CAMTA1: variants seen among roughly 807,000 people sequenced by gnomAD.
CAMTA1 encodes the protein calmodulin-binding transcription activator 1.
Under a neutral mutation model 170.9 loss-of-function variants are expected in CAMTA1, and 27 were observed. The ratio of observed to expected loss-of-function variants is 0.16; its 90% CI spans 0.12 to 0.22. CAMTA1 has a LOEUF of 0.22. Among genes scored for constraint, CAMTA1 ranks in the 10% least tolerant of loss-of-function variants. The pLI is 1.00. For synonymous variants in CAMTA1, 833 were observed against 891.5 expected, an observed-to-expected ratio of 0.93 and a Z score of 1.17; for missense variants, 1,619 against 2,217.2, an observed-to-expected ratio of 0.73 and a Z score of 5.42.
intron 5 of CAMTA1, among the ~76,000 whole-genome samples, chr1:7,266,627 G>A (rs1574311052): frequency 6.6e-6 from 1 of 152,326 alleles, no homozygotes; most frequent in East Asian, 1.9e-4. Flanking sequence ...AAGTCCCTTA[G>A]GAGCCCTGAG....
At chr1:7,079,447 A>C (rs886170916) in intron 3 of CAMTA1, among the ~76,000 whole-genome samples, 2 of 151,800 alleles carry the variant, frequency 1.3e-5, no homozygotes, top group Non-Finnish European at 2.9e-5. Flanking sequence ...CAGTATGATC[A>C]GATTTCTTCA....
rs1468523793 is a variant in CAMTA1 at position 7,457,909 on chromosome 1, C to G, written c.439-9921C>G. On this transcript the variant is annotated intron_variant, in intron 5 of 22. Transcript: ENST00000303635. The stretch of plus-strand genomic sequence containing the variant: ...GATCCCCCTTCCGCGGAGCTCCGGC[C>G]GACCCAGATACCCAGGGGAGGAGTC... 2.0e-5 allele frequency among the ~76,000 whole-genome samples: 3 copies of G among 152,274 alleles called. No individual in the cohort carries two copies. The East Asian group carries it at 5.8e-4, about 30-fold the overall frequency.
Position 6,970,313 on chromosome 1 carries a change from TC to T in CAMTA1, c.235-120989del, listed in dbSNP as rs1234154420. On this transcript the variant is annotated intron_variant, in intron 3 of 22. Coordinates refer to ENST00000303635, the MANE Select transcript of CAMTA1 (RefSeq NM_015215.4). The surrounding 1 kb of genome is among the most constrained non-coding windows in gnomAD (Gnocchi z 4.4). The stretch of plus-strand genomic sequence containing the variant: ...ATCCTAATGTGTACGGGACCTTATG[TC>T]CTGCTTTGCTTGCACGACGTGCCAT... 3.9e-5 allele frequency among the ~76,000 whole-genome samples: 6 copies of T among 152,230 alleles called. No individual in the cohort carries two copies.
intron 6 of CAMTA1, among the ~76,000 whole-genome samples, chr1:7,506,426 CTCACACTCAAAAT>C (rs138260568): frequency 0.29 from 43,683 of 151,686 alleles, 6,568 homozygotes; most frequent in Middle Eastern, 0.47. Context: ...CAGTCTCATG[CTCACACTCAAAAT>C]TCACACTCAA....
At chr1:7,188,865 A>G (rs1241270288) in intron 4 of CAMTA1, among the ~76,000 whole-genome samples, 1 of 152,152 alleles carries the variant, frequency 6.6e-6, no homozygotes, top group East Asian at 1.9e-4. Flanking sequence ...CTCTGTGCTT[A>G]ATTTTTTGTG....
chr1:6,995,746 C>T (rs911785869), intron 3 of CAMTA1, among the ~76,000 whole-genome samples: 2 of 152,182 alleles, frequency 1.3e-5, no homozygotes, highest in African/African-American at 2.4e-5. Flanking sequence ...CTGCCTGCTA[C>T]GGGGGCACAT....
chr1:6,945,873 G>A (rs1011633542), intron 3 of CAMTA1, among the ~76,000 whole-genome samples: 3 of 152,168 alleles, frequency 2.0e-5, no homozygotes, highest in Non-Finnish European at 4.4e-5. Flanking sequence ...CTGTTGTATG[G>A]ATTAAGCCAC....
intron 3 of CAMTA1, among the ~76,000 whole-genome samples, chr1:6,996,138 A>C (rs781324670): frequency 2.0e-5 from 3 of 152,256 alleles, no homozygotes; most frequent in Admixed American, 6.5e-5. Context: ...CAAGACGTCA[A>C]AACATCAGAA....
At chr1:7,505,069 C>G (rs184426905) in intron 6 of CAMTA1, among the ~76,000 whole-genome samples, 1 of 151,908 alleles carries the variant, frequency 6.6e-6, no homozygotes, top group African/African-American at 2.4e-5. Context: ...AGGAGGAGTT[C>G]AGTGTAGCGC....
chr1:6,985,409 C>T (rs1306553084), intron 3 of CAMTA1, among the ~76,000 whole-genome samples: 1 of 152,174 alleles, frequency 6.6e-6, no homozygotes, highest in African/African-American at 2.4e-5. Context: ...AAATTTTCTC[C>T]ACGAAAAGAA....
intron 3 of CAMTA1, 102 bp from the exon 4 acceptor site, chr1:7,091,202 C>G (rs12070413): frequency 2.6e-6 from 2 of 779,146 alleles, no homozygotes; most frequent in Admixed American, 4.0e-5. Context: ...GTTCCAGGCT[C>G]GCAAATGAAA....
chr1:7,550,472 C>T (rs1019456269), intron 6 of CAMTA1, among the ~76,000 whole-genome samples: 6 of 150,606 alleles, frequency 4.0e-5, no homozygotes, highest in African/African-American at 1.5e-4. Flanking sequence ...GACCTCCCCT[C>T]CCTGGCCCTG....
At chr1:7,555,941 A>G (rs945018325) in intron 6 of CAMTA1, among the ~76,000 whole-genome samples, 2 of 152,228 alleles carry the variant, frequency 1.3e-5, no homozygotes, top group African/African-American at 4.8e-5. Context: ...TGAGGCTAGC[A>G]GATCAGCAGG....
chr1:7,705,237 C>T (rs2096501020), intron 11 of CAMTA1, among the ~76,000 whole-genome samples: 1 of 150,396 alleles, frequency 6.6e-6, no homozygotes, highest in South Asian at 2.1e-4. Flanking sequence ...GGGTGAGGGG[C>T]TGCAGGGAGG....
At chr1:6,911,663 C>T (rs1316624874) in intron 3 of CAMTA1, among the ~76,000 whole-genome samples, 2 of 152,198 alleles carry the variant, frequency 1.3e-5, no homozygotes, top group Non-Finnish European at 2.9e-5. Context: ...CAGATCCACC[C>T]CTCCCTTTAC....
At chr1:7,267,697 T>C (rs933877665) in intron 5 of CAMTA1, among the ~76,000 whole-genome samples, 2 of 152,208 alleles carry the variant, frequency 1.3e-5, no homozygotes, top group Non-Finnish European at 2.9e-5. Flanking sequence ...TGAGGGGCCC[T>C]GTGATGGGCT....
intron 3 of CAMTA1, among the ~76,000 whole-genome samples, chr1:6,986,650 A>G (rs535776167): frequency 2.0e-5 from 3 of 152,198 alleles, no homozygotes; most frequent in South Asian, 4.2e-4. Context: ...GAGAAATGCC[A>G]TCTTCTGGTC....
chr1:7,215,804 A>G (rs1482692996), intron 4 of CAMTA1, among the ~76,000 whole-genome samples: 1 of 152,218 alleles, frequency 6.6e-6, no homozygotes, highest in African/African-American at 2.4e-5. Context: ...TGATCAGAAA[A>G]TATTTCTTTG....
chr1:7,247,706 C>T (rs1007567634), intron 4 of CAMTA1, among the ~76,000 whole-genome samples: 7 of 152,166 alleles, frequency 4.6e-5, no homozygotes, highest in Non-Finnish European at 1.0e-4. Flanking sequence ...GGACCTCAGG[C>T]ACCTTCTAAT....
Sources: gnomAD v4.1 joint callset for allele counts (sites outside exome capture counted in the v4.1 genomes callset) on GRCh38, gnomAD v4.1.1 for gene constraint, Gnocchi (gnomAD v3.1) non-coding constraint, MANE v1.5 for transcripts, NCBI Gene and HGNC (gene_info 2026-07-23, HGNC 2026-07-21) for gene names.